DMRTA2: variants seen among roughly 807,000 people sequenced by gnomAD.
DMRTA2 encodes doublesex- and mab-3-related transcription factor A2.
In DMRTA2, 10 loss-of-function variants were observed where a neutral mutation model predicts 29.7. The observed-to-expected ratio is 0.34, with a 90% CI of 0.21 to 0.57. The LOEUF is 0.57. Ranked by LOEUF, DMRTA2 falls within the 20% of genes least tolerant of loss-of-function variation. DMRTA2 has a pLI of 0.87. For missense variants in DMRTA2, 783 were observed against 812.1 expected (o/e 0.96, Z 0.44); for synonymous variants, 469 against 402.6 (o/e 1.16, Z -1.97).
At position 50,419,767 on chromosome 1, in the gene DMRTA2, G is replaced by A. The variant is rs1440069930; in HGVS notation, c.560-33C>T. On this transcript the variant is annotated intron_variant, in intron 2 of 2. Coordinates refer to ENST00000404795, the MANE Select transcript of DMRTA2 (RefSeq NM_032110.3). This position sits in a 1 kb window ranked among gnomAD's most constrained non-coding sequence, Gnocchi z 6.1. The stretch of plus-strand genomic sequence containing the variant: ...GGGAGAAAACGTGTCGTGAGGAGCG[G>A]TTAGCTAGAAGACAGCAGTCACAGC... 3 of 1,442,930 alleles carry A rather than the reference G, an allele frequency of 2.1e-6. No individual in the cohort carries two copies. The highest frequency in any genetic ancestry group is 2.9e-5 in the Admixed American group (1 of 34,702). 89.4% of individuals were successfully genotyped at this position (1,442,930 alleles called of 1,614,324 possible).
In DMRTA2 at chr1:50,423,391, C is replaced by G. The variant is rs923564954; in HGVS notation, c.-284G>C. 8 of 152,306 alleles carry G rather than the reference C, an allele frequency of 5.3e-5. No individual in the cohort carries two copies. The highest frequency in any genetic ancestry group is 1.4e-4 in the African/African-American group (6 of 41,568). 9.4% of individuals were successfully genotyped at this position (152,306 alleles called of 1,614,324 possible). On this transcript the variant is annotated 5_prime_UTR_variant, in exon 1 of 3. Transcript: ENST00000404795. Reference sequence around the variant, plus strand: ...TGCCGGGTCCCCTCGCGGTGCGCGCCGGACGCTGCGCGCAGCCGGGGCCCA... The same window carrying G: ...TGCCGGGTCCCCTCGCGGTGCGCGCGGGACGCTGCGCGCAGCCGGGGCCCA...
Position 50,421,007 on chromosome 1 carries a change from C to G in DMRTA2, c.530G>C (p.Gly177Ala). 1 of 1,507,096 alleles carries G rather than the reference C, an allele frequency of 6.6e-7. No homozygotes were observed. The highest frequency in any genetic ancestry group is 1.4e-5 in the African/African-American group (1 of 69,268). The allele number at this position is 1,507,096 out of a possible 1,614,324, so 93.4% of individuals were successfully genotyped here. Residue 177 changes from glycine (G) to alanine (A), a missense_variant, in exon 2 of 3, where the codon GGA (glycine) becomes GCA (alanine). Around this residue, in one of 3 missense-constraint regions of DMRTA2, gnomAD observed 667 missense variants for 624.8 expected, o/e 1.07. Transcript: ENST00000404795. The surrounding 1 kb of genome is among the most constrained non-coding windows in gnomAD (Gnocchi z 8.7). ...GCCCCCTGCGCCAGCTGCTCCGCCTCCGGTCCCCGCGGGCGCTCCCGCTCC... is the reference window on the plus strand; with the variant it reads ...GCCCCCTGCGCCAGCTGCTCCGCCTGCGGTCCCCGCGGGCGCTCCCGCTCC... ...GPGAGAPAGT[G>A]GGAAGAGGSE...
In DMRTA2 at chr1:50,420,895, T is replaced by C. The variant is rs1646032137; in HGVS notation, c.559+83A>G. On this transcript the variant is annotated intron_variant, in intron 2 of 2. Transcript: ENST00000404795. The surrounding 1 kb of genome is among the most constrained non-coding windows in gnomAD (Gnocchi z 4.1). ...GACTGGACACGGGGGTTCTACTCTTTCTGAACCGAGACAAGCCCCTGGGCC... is the reference window on the plus strand; with the variant it reads ...GACTGGACACGGGGGTTCTACTCTTCCTGAACCGAGACAAGCCCCTGGGCC... The C allele has an allele frequency of 3.6e-6, 5 of 1,385,604 alleles. No homozygotes were observed. The highest frequency in any genetic ancestry group is 1.5e-5 in the African/African-American group (1 of 65,122). The allele number at this position is 1,385,604 out of a possible 1,614,324, so 85.8% of individuals were successfully genotyped here.
chr1:50,418,615 C>G lies in DMRTA2; in HGVS notation c.*50G>C, dbSNP rs1299221. ...AAGAGGGGTCGATGGCCCGCGGGAA[C>G]AGGGCTGGGGTTCCTGTTTGGGGAC... On this transcript the variant is annotated 3_prime_UTR_variant, in exon 3 of 3. Coordinates refer to ENST00000404795, the MANE Select transcript of DMRTA2 (RefSeq NM_032110.3). 4.9e-4 allele frequency: 639 copies of G among 1,309,700 alleles called. 2 individuals carry two copies. The African/African-American group carries it at 9.1e-3, about 19-fold the overall frequency. The allele number at this position is 1,309,700 out of a possible 1,614,324, so 81.1% of individuals were successfully genotyped here. A position where few individuals can be genotyped will look rare whatever the true frequency, so the allele number is the denominator to read the frequency against.
Position 50,419,617 on chromosome 1 carries a change from G to A in DMRTA2, c.677C>T (p.Pro226Leu). The A allele has an allele frequency of 6.5e-7, 1 of 1,530,314 alleles. No individual in the cohort carries two copies. Among genetic ancestry groups the A allele is most frequent in the Admixed American group, 2.1e-5 (1 of 48,086 alleles). 94.8% of individuals were successfully genotyped at this position (1,530,314 alleles called of 1,614,324 possible). ...PLSPDGADSG[P>L]GTSSPEVRPG... ...CCGCACCTCTGGGGACGACGTCCCG[G>A]GCCCCGAGTCTGCGCCGTCGGGTGA... is the stretch of plus-strand genomic sequence containing the variant. Residue 226 changes from proline (P) to leucine (L), a missense_variant, in exon 3 of 3, where the codon CCC (proline) becomes CTC (leucine). Pro to Leu is a moderately conservative substitution (Grantham distance 98, BLOSUM62 -3). Coordinates refer to ENST00000404795, the MANE Select transcript of DMRTA2 (RefSeq NM_032110.3). The surrounding 1 kb of genome is among the most constrained non-coding windows in gnomAD (Gnocchi z 6.1).
At position 50,418,855 on chromosome 1, in the gene DMRTA2, A is replaced by T; in HGVS notation, c.1439T>A (p.Leu480Gln). The T allele has an allele frequency of 6.4e-7, 1 of 1,553,840 alleles. No homozygotes were observed. The highest frequency in any genetic ancestry group is 8.7e-7 in the Non-Finnish European group (1 of 1,155,782). ...AGTGGAGTAGGGCGCCATGAAGGCC[A>T]GACCGCGGCTGTGCGCCGCCGCCGC... ...YSAAAAHSRG[L>Q]AFMAPYSTAG... Residue 480 changes from leucine (L) to glutamine (Q), a missense_variant, in exon 3 of 3, where the codon CTG becomes CAG. Transcript: ENST00000404795.
Position 50,421,168 on chromosome 1 carries a change from C to T in DMRTA2, c.369G>A (p.Glu123=). Residue 123 remains glutamate (E), a synonymous_variant, in exon 2 of 3, where the codon GAG becomes GAA. Transcript: ENST00000404795. The surrounding 1 kb of genome is among the most constrained non-coding windows in gnomAD (Gnocchi z 8.7). ...GCAGCTGCAGCTCGCGCGCCTCGTT[C>T]TCCTCCTGCGCCTGCTGCCTGCGCA... The part of the protein sequence containing the change: ...VALRRQQAQE[E]NEARELQLLY... 1.3e-6 allele frequency: 2 copies of T among 1,536,938 alleles called. No homozygotes were observed. The highest frequency in any genetic ancestry group is 1.8e-6 in the Non-Finnish European group (2 of 1,142,598).
Position 50,420,077 on chromosome 1 carries a change from G to A in DMRTA2, c.560-343C>T, listed in dbSNP as rs996333289. On this transcript the variant is annotated intron_variant, in intron 2 of 2. Coordinates refer to ENST00000404795, the MANE Select transcript of DMRTA2 (RefSeq NM_032110.3). This position sits in a 1 kb window ranked among gnomAD's most constrained non-coding sequence, Gnocchi z 4.1. ...CCGTGGAGAAGTGGCCAGGTCCAGGGTTCAAACAAGAGACAACATAACTTC... is the reference window on the plus strand; with the variant it reads ...CCGTGGAGAAGTGGCCAGGTCCAGGATTCAAACAAGAGACAACATAACTTC... 2.0e-5 allele frequency among the ~76,000 whole-genome samples: 3 copies of A among 152,100 alleles called. No individual in the cohort carries two copies. The highest frequency in any genetic ancestry group is 4.4e-5 in the Non-Finnish European group (3 of 68,034).
rs1223851067 is a variant in DMRTA2, at chr1:50,421,522, C to G, written c.15G>C (p.Ser5=). ...CCGCGCCGGGCACGCTGGGCAGCTC[C>G]GAGCGCAGCTCCATGACAGGACCTG... MELR[S]ELPSVPGAAT... Residue 5 remains serine (S), a synonymous_variant, in exon 2 of 3, where the codon TCG becomes TCC. Transcript: ENST00000404795. The surrounding 1 kb of genome is among the most constrained non-coding windows in gnomAD (Gnocchi z 8.7). The G allele has an allele frequency of 2.4e-6, 3 of 1,262,070 alleles. No homozygotes were observed. The highest frequency in any genetic ancestry group is 3.0e-6 in the Non-Finnish European group (3 of 1,009,234). The allele number at this position is 1,262,070 out of a possible 1,614,324, so 78.2% of individuals were successfully genotyped here. A position where few individuals can be genotyped will look rare whatever the true frequency, so the allele number is the denominator to read the frequency against.
rs968151824 is a variant in DMRTA2 at position 50,421,938 on chromosome 1, G to C, written c.-8-394C>G. Among the ~76,000 whole-genome samples the C allele has an allele frequency of 3.3e-5, 5 of 152,216 alleles. No homozygotes were observed. Among genetic ancestry groups the C allele is most frequent in the African/African-American group, 9.6e-5 (4 of 41,456 alleles). On this transcript the variant is annotated intron_variant, in intron 1 of 2. Coordinates refer to ENST00000404795, the MANE Select transcript of DMRTA2 (RefSeq NM_032110.3). This position sits in a 1 kb window ranked among gnomAD's most constrained non-coding sequence, Gnocchi z 8.7. ...GGTGAGACGGGTGAGAGAAATGCTC[G>C]TTTGACGGGACTGGGATTAGAGCGA...
At position 50,423,124 on chromosome 1, in the gene DMRTA2, C is replaced by T. The variant is rs1441343073; in HGVS notation, c.-17G>A. On this transcript the variant is annotated 5_prime_UTR_variant, in exon 1 of 3. Transcript: ENST00000404795. ...GGCCCTCAACTACCTGCCTTGGGCT[C>T]CGGGATCCTCCTCCTCCGCTGGCGC... The T allele has an allele frequency of 6.5e-6, 1 of 152,834 alleles. No individual in the cohort carries two copies. The highest frequency in any genetic ancestry group is 1.5e-5 in the Non-Finnish European group (1 of 68,508). The allele number at this position is 152,834 out of a possible 1,614,324, so 9.5% of individuals were successfully genotyped here.
rs1297703129 is a variant in DMRTA2 at position 50,419,320 on chromosome 1, G to C, written c.974C>G (p.Pro325Arg). 6.3e-7 allele frequency: 1 copy of C among 1,596,538 alleles called. No homozygotes were observed. Among genetic ancestry groups the C allele is most frequent in the Non-Finnish European group, 8.5e-7 (1 of 1,178,944 alleles). The change falls in exon 3 of 3, where the codon CCA becomes CGA. Residue 325 changes from proline to arginine, a missense_variant. This residue lies in a region of DMRTA2 where 667 missense variants were observed against 624.8 expected (regional missense o/e 1.07). Coordinates refer to ENST00000404795, the MANE Select transcript of DMRTA2 (RefSeq NM_032110.3). This position sits in a 1 kb window ranked among gnomAD's most constrained non-coding sequence, Gnocchi z 6.1. ...CTCCAGGACGCCTCGCCGGTGGCCT[G>C]GGAACACGCGTGTCAAGATATCCAG... Reference protein sequence around the residue: ...TPLDILTRVFPGHRRGVLELV... With the variant: ...TPLDILTRVFRGHRRGVLELV...
At position 50,419,573 on chromosome 1, in the gene DMRTA2, T is replaced by C. The variant is rs1347125558; in HGVS notation, c.721A>G (p.Asn241Asp). Residue 241 changes from asparagine (N) to aspartate (D), a missense_variant, in exon 3 of 3, where the codon AAC becomes GAC. By Grantham distance (23) the Asn-to-Asp change is conservative (BLOSUM62 1). This residue lies in a region of DMRTA2 where 667 missense variants were observed against 624.8 expected (regional missense o/e 1.07). Transcript: ENST00000404795. This position sits in a 1 kb window ranked among gnomAD's most constrained non-coding sequence, Gnocchi z 6.1. ...PEVRPGSGSE[N>D]GDGESFSGSP... is the part of the protein sequence containing the mutation. ...CCAGAAAAGGACTCGCCATCGCCGT[T>C]CTCCGAGCCTGAGCCGGGCCGCACC... The C allele has an allele frequency of 6.4e-6, 10 of 1,555,288 alleles. No homozygotes were observed. The highest frequency in any genetic ancestry group is 8.7e-6 in the Non-Finnish European group (10 of 1,152,604).
At position 50,420,220 on chromosome 1, in the gene DMRTA2, A is replaced by G. The variant is rs1646025694; in HGVS notation, c.560-486T>C. 6.6e-6 allele frequency among the ~76,000 whole-genome samples: 1 copy of G among 152,206 alleles called. No homozygotes were observed. The highest frequency in any genetic ancestry group is 1.5e-5 in the Non-Finnish European group (1 of 68,030). On this transcript the variant is annotated intron_variant, in intron 2 of 2. Coordinates refer to ENST00000404795, the MANE Select transcript of DMRTA2 (RefSeq NM_032110.3). The surrounding 1 kb of genome is among the most constrained non-coding windows in gnomAD (Gnocchi z 4.1). ...AGGTCCCAAGCTTCTCTACAGGCAG[A>G]AGTACAGCCCCTGTTTCTAATCCAC...
In DMRTA2 at chr1:50,419,097, C is replaced by G. The variant is rs1296367872; in HGVS notation, c.1197G>C (p.Gly399=). 2 of 1,205,590 alleles carry G rather than the reference C, an allele frequency of 1.7e-6. No homozygotes were observed. Among genetic ancestry groups the G allele is most frequent in the Non-Finnish European group, 2.0e-6 (2 of 976,232 alleles). 74.7% of individuals were successfully genotyped at this position (1,205,590 alleles called of 1,614,324 possible). ...AAAAAAAAAG[G]PGLPAPLQAG... ...CCTGCAGCGGCGCAGGCAGCCCAGG[C>G]CCCCCGGCGGCGGCGGCGGCGGCGG... The change falls in exon 3 of 3, where the codon GGG becomes GGC. Residue 399 remains glycine (G), a synonymous_variant. Coordinates refer to ENST00000404795, the MANE Select transcript of DMRTA2 (RefSeq NM_032110.3). The surrounding 1 kb of genome is among the most constrained non-coding windows in gnomAD (Gnocchi z 6.1).
rs1646014969 is a variant in DMRTA2 at position 50,419,124 on chromosome 1, G to C, written c.1170C>G (p.Ala390=). 57 of 1,199,610 alleles carry C rather than the reference G, an allele frequency of 4.8e-5. No homozygotes were observed. Among genetic ancestry groups the C allele is most frequent in the Non-Finnish European group, 5.9e-5 (57 of 972,120 alleles). 74.3% of individuals were successfully genotyped at this position (1,199,610 alleles called of 1,614,324 possible). The change falls in exon 3 of 3, where the codon GCC becomes GCG. Residue 390 remains alanine (A), a synonymous_variant. Coordinates refer to ENST00000404795, the MANE Select transcript of DMRTA2 (RefSeq NM_032110.3). This position sits in a 1 kb window ranked among gnomAD's most constrained non-coding sequence, Gnocchi z 6.1. ...CCCCGGCGGCGGCGGCGGCGGCGGC[G>C]GCGGCGTCGACGCGGCTGGGCCACG... ...DDAWPSRVDA[A]AAAAAAAGGP...
At position 50,420,414 on chromosome 1, in the gene DMRTA2, A is replaced by G. The variant is rs1275770038; in HGVS notation, c.559+564T>C. Among the ~76,000 whole-genome samples the G allele has an allele frequency of 6.6e-6, 1 of 152,190 alleles. No homozygotes were observed. The highest frequency in any genetic ancestry group is 1.5e-5 in the Non-Finnish European group (1 of 68,034). Reference sequence around the variant, plus strand: ...CAGTAGGAAGCGAAGAGGAAAAGACATAGGAAAGCAGACCTGAGAAACCAG... The same window carrying G: ...CAGTAGGAAGCGAAGAGGAAAAGACGTAGGAAAGCAGACCTGAGAAACCAG... On this transcript the variant is annotated intron_variant, in intron 2 of 2. Coordinates refer to ENST00000404795, the MANE Select transcript of DMRTA2 (RefSeq NM_032110.3). The surrounding 1 kb of genome is among the most constrained non-coding windows in gnomAD (Gnocchi z 4.1).
At position 50,419,682 on chromosome 1, in the gene DMRTA2, G is replaced by A; in HGVS notation, c.612C>T (p.Gly204=). Residue 204 remains glycine, a synonymous_variant, in exon 3 of 3, where the codon GGC becomes GGT. Coordinates refer to ENST00000404795, the MANE Select transcript of DMRTA2 (RefSeq NM_032110.3). The surrounding 1 kb of genome is among the most constrained non-coding windows in gnomAD (Gnocchi z 6.1). ...GCGGCGGCAGCGGGCTGCCCGGGCG[G>A]CCTGCCTGCAGCAGCGTCTTAGGAA... is the stretch of plus-strand genomic sequence containing the variant. ...DLFPKTLLQA[G]RPGSPLPPPV... The A allele has an allele frequency of 6.7e-7, 1 of 1,499,614 alleles. No individual in the cohort carries two copies. The highest frequency in any genetic ancestry group is 8.9e-7 in the Non-Finnish European group (1 of 1,128,782). 92.9% of individuals were successfully genotyped at this position (1,499,614 alleles called of 1,614,324 possible).
Position 50,419,764 on chromosome 1 carries a change from G to T in DMRTA2, c.560-30C>A, listed in dbSNP as rs755437050. On this transcript the variant is annotated intron_variant, in intron 2 of 2. Coordinates refer to ENST00000404795, the MANE Select transcript of DMRTA2 (RefSeq NM_032110.3). The surrounding 1 kb of genome is among the most constrained non-coding windows in gnomAD (Gnocchi z 6.1). ...GAGGGGAGAAAACGTGTCGTGAGGAGCGGTTAGCTAGAAGACAGCAGTCAC... is the reference window on the plus strand; with the variant it reads ...GAGGGGAGAAAACGTGTCGTGAGGATCGGTTAGCTAGAAGACAGCAGTCAC... 1.4e-6 allele frequency: 2 copies of T among 1,445,698 alleles called. No individual in the cohort carries two copies. Among genetic ancestry groups the T allele is most frequent in the African/African-American group, 3.0e-5 (2 of 67,182 alleles). 89.6% of individuals were successfully genotyped at this position (1,445,698 alleles called of 1,614,324 possible).
Sources: allele counts gnomAD v4.1 joint callset (sites outside exome capture counted in the v4.1 genomes callset), GRCh38; gene constraint gnomAD v4.1.1; regional missense constraint gnomAD v4.1.1; non-coding constraint Gnocchi (gnomAD v3.1); transcripts MANE v1.5; gene names NCBI Gene and HGNC (gene_info 2026-07-23, HGNC 2026-07-21).